TSHZ2: variants seen among roughly 807,000 people sequenced by gnomAD.
TSHZ2 encodes teashirt homolog 2.
In TSHZ2, 21 loss-of-function variants were observed where a neutral mutation model predicts 74.4. That is an observed-to-expected ratio of 0.28 (90% CI 0.20 to 0.41). The LOEUF is 0.41. TSHZ2 is among the 10% of genes least tolerant of loss of function. TSHZ2 has a pLI of 1.00. For missense variants in TSHZ2, 1,244 were observed against 1,293.5 expected, an observed-to-expected ratio of 0.96 and a Z score of 0.59; for synonymous variants, 540 against 515.3, an observed-to-expected ratio of 1.05 and a Z score of -0.65.
Position 53,255,293 on chromosome 20 carries a change from A to G in TSHZ2, c.1835A>G (p.Lys612Arg), listed in dbSNP as rs1263697831. Residue 612 changes from lysine (K) to arginine (R), a missense_variant, in exon 2 of 3, where the codon AAG becomes AGG. Lys to Arg is a conservative substitution (Grantham distance 26, BLOSUM62 2). Coordinates refer to ENST00000371497, the MANE Select transcript of TSHZ2 (RefSeq NM_173485.6). This position sits in a 1 kb window ranked among gnomAD's most constrained non-coding sequence, Gnocchi z 4.1. ...TCAGAAGACAAAGATGAAGCGGTGA[A>G]GGAGTGTGGGAAAGAAAGTCCCCAC... ...KESEDKDEAV[K>R]ECGKESPHEE... 4 of 1,614,210 alleles carry G rather than the reference A, an allele frequency of 2.5e-6. No homozygotes were observed. The highest frequency in any genetic ancestry group is 2.2e-5 in the East Asian group (1 of 44,882).
At chr20:53,426,884 G>A (rs1439318058) in intron 2 of TSHZ2, among the ~76,000 whole-genome samples, 1 of 152,200 alleles carries the variant, frequency 6.6e-6, no homozygotes, top group African/African-American at 2.4e-5. Flanking sequence ...GAAATTGTCA[G>A]TTGATTACTT....
At chr20:53,483,507 T>TC (rs1452646269) in intron 2 of TSHZ2, among the ~76,000 whole-genome samples, 1 of 151,816 alleles carries the variant, frequency 6.6e-6, no homozygotes, top group African/African-American at 2.4e-5. Flanking sequence ...CAAAACCCTG[T>TC]CCCCCACCTC....
intron 2 of TSHZ2, among the ~76,000 whole-genome samples, chr20:53,280,005 A>G (rs141795080): frequency 6.6e-6 from 1 of 152,362 alleles, no homozygotes; most frequent in Non-Finnish European, 1.5e-5. Context: ...TCAAGGTGAC[A>G]GACTCAATTG....
At chr20:53,347,674 A>G (rs1175304081) in intron 2 of TSHZ2, among the ~76,000 whole-genome samples, 4 of 151,684 alleles carry the variant, frequency 2.6e-5, no homozygotes, top group East Asian at 1.9e-4. Flanking sequence ...TTGAGGGTGC[A>G]TGTTCAGAAT....
intron 2 of TSHZ2, among the ~76,000 whole-genome samples, chr20:53,333,747 C>T (rs1436688139): frequency 1.3e-5 from 2 of 152,194 alleles, no homozygotes; most frequent in South Asian, 4.1e-4. Context: ...TGAGCCACTG[C>T]GCCCGGCCTG....
intron 1 of TSHZ2, among the ~76,000 whole-genome samples, chr20:52,981,861 C>A (rs142571574): frequency 6.6e-6 from 1 of 152,184 alleles, no homozygotes; most frequent in African/African-American, 2.4e-5. Context: ...TTCGTTTACA[C>A]GGCAGTTATT....
chr20:52,999,958 G>A (rs1052794385), intron 1 of TSHZ2, among the ~76,000 whole-genome samples: 1 of 152,142 alleles, frequency 6.6e-6, no homozygotes, highest in Non-Finnish European at 1.5e-5. Flanking sequence ...CGATGATGAT[G>A]GTAATGAAAA....
chr20:53,290,693 G>A (rs963338994), intron 2 of TSHZ2, among the ~76,000 whole-genome samples: 8 of 152,196 alleles, frequency 5.3e-5, no homozygotes, highest in African/African-American at 1.9e-4. Flanking sequence ...TGCAAAGACA[G>A]GTATAGAGAG....
At chr20:53,232,550 T>C (rs1490659094) in intron 1 of TSHZ2, among the ~76,000 whole-genome samples, 1 of 152,128 alleles carries the variant, frequency 6.6e-6, no homozygotes, top group Non-Finnish European at 1.5e-5. Flanking sequence ...GAAACCCAAA[T>C]CATTAAGTAA....
At chr20:53,089,361 A>G (rs375361526) in intron 1 of TSHZ2, among the ~76,000 whole-genome samples, 1 of 138,672 alleles carries the variant, frequency 7.2e-6, no homozygotes, top group Admixed American at 7.5e-5. Context: ...AGTTTTTCCA[A>G]CTTCCAGGCT....
At chr20:53,206,230 T>TA (rs1989165152) in intron 1 of TSHZ2, among the ~76,000 whole-genome samples, 1 of 151,916 alleles carries the variant, frequency 6.6e-6, no homozygotes. Flanking sequence ...AAAAATTAAA[T>TA]AAAAAATAAT....
At chr20:53,358,173 G>A (rs1980914968) in intron 2 of TSHZ2, among the ~76,000 whole-genome samples, 1 of 151,856 alleles carries the variant, frequency 6.6e-6, no homozygotes, top group Non-Finnish European at 1.5e-5. Context: ...TAACATCCTT[G>A]TAATTTCCCA....
rs1049660327 is a variant in TSHZ2, at chr20:52,984,996, C to T, written c.40+11663C>T. On this transcript the variant is annotated intron_variant, in intron 1 of 2. Transcript: ENST00000371497. ...TACTGCAAATTGTCAGTCTATCGTT[C>T]TCTGAGCCAAAGTGGAAACCAATAA... is the stretch of plus-strand genomic sequence containing the variant. 2.0e-5 allele frequency among the ~76,000 whole-genome samples: 3 copies of T among 152,208 alleles called. No homozygotes were observed. In the East Asian group the frequency reaches 5.8e-4, roughly 29 times the overall value.
chr20:53,438,996 G>A (rs191321079), intron 2 of TSHZ2, among the ~76,000 whole-genome samples: 156 of 152,246 alleles, frequency 1.0e-3, no homozygotes, highest in African/African-American at 3.7e-3. Context: ...TCGCCTGAAG[G>A]AAACAACAAT....
chr20:53,299,541 A>G (rs1473879068), intron 2 of TSHZ2, among the ~76,000 whole-genome samples: 1 of 152,082 alleles, frequency 6.6e-6, no homozygotes, highest in Admixed American at 6.5e-5. Flanking sequence ...GTTTGTTTGT[A>G]ATTCTAAGTC....
At chr20:53,458,303 G>C (rs1170406718) in intron 2 of TSHZ2, among the ~76,000 whole-genome samples, 1 of 150,858 alleles carries the variant, frequency 6.6e-6, no homozygotes, top group Non-Finnish European at 1.5e-5. Flanking sequence ...TGTATGTGTC[G>C]AGGAATTTAT....
At chr20:53,092,070 C>T (rs536288977) in intron 1 of TSHZ2, among the ~76,000 whole-genome samples, 2 of 152,016 alleles carry the variant, frequency 1.3e-5, no homozygotes, top group African/African-American at 4.8e-5. Context: ...AAAACCGATG[C>T]TTTTGTTTGT....
intron 2 of TSHZ2, among the ~76,000 whole-genome samples, chr20:53,265,730 A>C (rs1195072437): frequency 6.6e-6 from 1 of 152,194 alleles, no homozygotes; most frequent in Non-Finnish European, 1.5e-5. Context: ...TCTTGCTGTC[A>C]CTTTTGAAAG....
intron 2 of TSHZ2, among the ~76,000 whole-genome samples, chr20:53,407,059 T>C (rs1055932373): frequency 7.9e-5 from 12 of 152,172 alleles, no homozygotes; most frequent in Admixed American, 2.0e-4. Flanking sequence ...AACACAGCAG[T>C]GGGGGTAACA....
Sources: allele counts gnomAD v4.1 joint callset (sites outside exome capture counted in the v4.1 genomes callset), GRCh38; gene constraint gnomAD v4.1.1; non-coding constraint Gnocchi (gnomAD v3.1); transcripts MANE v1.5; gene names NCBI Gene and HGNC (gene_info 2026-07-23, HGNC 2026-07-21).